The following ABLIM1 variants were observed in gnomAD, a reference collection of about 807,000 sequenced individuals.
ABLIM1 encodes actin binding LIM protein 1.
A neutral mutation model predicts 107.0 loss-of-function variants in ABLIM1; 40 were observed. The ratio of observed to expected loss-of-function variants is 0.37; its 90% CI spans 0.29 to 0.49. ABLIM1 has a LOEUF of 0.49. Ranked by LOEUF, ABLIM1 falls within the 20% of genes least tolerant of loss-of-function variation. ABLIM1 has a pLI of 0.97. For synonymous variants in ABLIM1, 357 were observed against 357.3 expected, an observed-to-expected ratio of 1.00 and a Z score of 0.01; for missense variants, 857 against 1,008.5, an observed-to-expected ratio of 0.85 and a Z score of 2.04.
chr10:114,585,234 G>A (rs1005905017), intron 2 of ABLIM1, among the ~76,000 whole-genome samples: 4 of 152,096 alleles, frequency 2.6e-5, no homozygotes, highest in Non-Finnish European at 4.4e-5. Flanking sequence ...TTTTATTAAC[G>A]TCTACATTCT....
At chr10:114,780,606 A>C in the ABLIM1 span, among the ~76,000 whole-genome samples, 1 of 152,084 alleles carries the variant, frequency 6.6e-6, no homozygotes, top group African/African-American at 2.4e-5. Flanking sequence ...AGTTCAGATA[A>C]ACACCTTGGT....
At chr10:114,505,279 T>C (rs1020004172) in intron 6 of ABLIM1, among the ~76,000 whole-genome samples, 11 of 152,178 alleles carry the variant, frequency 7.2e-5, no homozygotes, top group Admixed American at 7.2e-4. Context: ...AAGATAAATA[T>C]TTGCCTTCAA....
intron 1 of ABLIM1, among the ~76,000 whole-genome samples, chr10:114,644,040 G>C (rs1258025429): frequency 6.6e-6 from 1 of 151,366 alleles, no homozygotes; most frequent in Non-Finnish European, 1.5e-5. Flanking sequence ...CCAGCACTTT[G>C]GGAGGCCGAG....
intron 1 of ABLIM1, among the ~76,000 whole-genome samples, chr10:114,746,247 T>C (rs951037072): frequency 5.3e-5 from 8 of 152,190 alleles, no homozygotes; most frequent in African/African-American, 1.4e-4. Context: ...CCATTCCTCT[T>C]ACCCTACCCC....
chr10:114,645,878 T>C (rs1436456028), intron 1 of ABLIM1, among the ~76,000 whole-genome samples: 1 of 152,248 alleles, frequency 6.6e-6, no homozygotes, highest in African/African-American at 2.4e-5. Flanking sequence ...TTATGACATT[T>C]ACCAAGCTCT....
intron 1 of ABLIM1, among the ~76,000 whole-genome samples, chr10:114,615,293 G>T (rs2077061603): frequency 6.6e-6 from 1 of 152,010 alleles, no homozygotes; most frequent in African/African-American, 2.4e-5. Flanking sequence ...CCAAGCTCTG[G>T]CTCTTGCTGC....
At chr10:114,551,328 C>G (rs2068033864) in intron 4 of ABLIM1, among the ~76,000 whole-genome samples, 1 of 152,240 alleles carries the variant, frequency 6.6e-6, no homozygotes, top group African/African-American at 2.4e-5. Context: ...TAAGCAAAGA[C>G]ACAATTTGAA....
intron 6 of ABLIM1, among the ~76,000 whole-genome samples, chr10:114,516,242 G>A (rs911594937): frequency 2.0e-5 from 3 of 152,188 alleles, no homozygotes; most frequent in Admixed American, 6.5e-5. Context: ...AATGTTTTGC[G>A]GCCAGGTGTG....
chr10:114,607,890 G>A (rs79052861), intron 1 of ABLIM1, among the ~76,000 whole-genome samples: 1,949 of 152,270 alleles, frequency 0.013, 31 homozygotes, highest in African/African-American at 0.039. Context: ...TAAAAACTAC[G>A]GAAATCTGAA....
Position 114,751,978 on chromosome 10 carries a change from G to A in ABLIM1, c.-213+16083C>T, listed in dbSNP as rs74158048. ...AGCAGAAATGTAGCCCAAAACCTTCGAGCCATGAATTAGGATGGAGCCAGC... is the reference window on the plus strand; with the variant it reads ...AGCAGAAATGTAGCCCAAAACCTTCAAGCCATGAATTAGGATGGAGCCAGC... On this transcript the variant is annotated intron_variant, in intron 1 of 15. Coordinates refer to the ABLIM1 transcript ENST00000651092. 1.4e-3 allele frequency among the ~76,000 whole-genome samples: 210 copies of A among 152,146 alleles called. 1 individual carries two copies. The highest frequency in any genetic ancestry group is 4.7e-3 in the African/African-American group (197 of 41,512).
intron 4 of ABLIM1, among the ~76,000 whole-genome samples, chr10:114,553,752 G>A (rs761184140): frequency 2.6e-4 from 40 of 152,234 alleles, no homozygotes; most frequent in Non-Finnish European, 4.1e-4. Flanking sequence ...TGGACAAAGA[G>A]TCTGGAGCCT....
chr10:114,462,971 C>A (rs10510003), intron 12 of ABLIM1: 9 of 1,291,660 alleles, frequency 7.0e-6, no homozygotes, highest in Non-Finnish European at 8.2e-6. Flanking sequence ...TGGAGATACA[C>A]CTTATTAGCC....
intron 15 of ABLIM1, among the ~76,000 whole-genome samples, 180 bp downstream of exon 15, chr10:114,447,700 T>C (rs576181204): frequency 3.9e-5 from 6 of 152,356 alleles, no homozygotes; most frequent in African/African-American, 1.4e-4. Flanking sequence ...TTTTTGTAAC[T>C]TTTAAGCGTT....
chr10:114,500,683 G>GAAAA (rs71007473), intron 6 of ABLIM1, among the ~76,000 whole-genome samples: 2 of 52,532 alleles, frequency 3.8e-5, no homozygotes, highest in African/African-American at 1.3e-4. Context: ...TGTGTCGAAA[G>GAAAA]AAAAAAAAAA....
upstream of ABLIM1, chr10:114,768,143 C>G: frequency 3.0e-6 from 1 of 331,078 alleles, no homozygotes; most frequent in Non-Finnish European, 6.2e-6. Flanking sequence ...AGAAGGCAGC[C>G]CCGGAGCGCC....
At chr10:114,748,961 T>C (rs987329657) in intron 1 of ABLIM1, among the ~76,000 whole-genome samples, 1 of 152,116 alleles carries the variant, frequency 6.6e-6, no homozygotes, top group Admixed American at 6.5e-5. Context: ...CCATGAGCCA[T>C]CTCACCCAGC....
chr10:114,446,145 A>G (rs1478801099), intron 15 of ABLIM1, among the ~76,000 whole-genome samples: 1 of 152,216 alleles, frequency 6.6e-6, no homozygotes, highest in Non-Finnish European at 1.5e-5. Context: ...TTGTTTTGTG[A>G]CATGCGTTTA....
chr10:114,584,678 A>G lies in ABLIM1; in HGVS notation c.380-9079T>C, dbSNP rs1591399898. 2.0e-5 allele frequency among the ~76,000 whole-genome samples: 3 copies of G among 152,344 alleles called. No individual in the cohort carries two copies. In the East Asian group the frequency reaches 5.8e-4, roughly 29 times the overall value. ...TAAGCCTCAAAAAACATATTTTAAG[A>G]GTGTTTCACATTAACTTCTAAATTC... On this transcript the variant is annotated intron_variant, in intron 2 of 22. Transcript: ENST00000533213.
chr10:114,446,519 G>A (rs1198926943), intron 15 of ABLIM1, among the ~76,000 whole-genome samples: 1 of 152,112 alleles, frequency 6.6e-6, no homozygotes, highest in Non-Finnish European at 1.5e-5. Flanking sequence ...GGCTGTGGGA[G>A]GAAACAGGAA....
Sources: allele counts gnomAD v4.1 joint callset (sites outside exome capture counted in the v4.1 genomes callset), GRCh38; gene constraint gnomAD v4.1.1; transcripts MANE v1.5; gene names NCBI Gene and HGNC (gene_info 2026-07-23, HGNC 2026-07-21).